CDH18: variants seen among roughly 807,000 people sequenced by gnomAD.
CDH18 encodes cadherin-18.
CDH18 carries 31 observed loss-of-function variants against 67.9 expected under a neutral mutation model. That is an observed-to-expected ratio of 0.46 (90% CI 0.34 to 0.62). The LOEUF (loss-of-function observed/expected upper bound fraction) is 0.62. CDH18 is among the 20% of genes least tolerant of loss of function. The pLI is 0.01. For synonymous variants in CDH18, 362 were observed against 347.2 expected (o/e 1.04, Z -0.48); for missense variants, 890 against 975.5 (o/e 0.91, Z 1.17).
chr5:20,337,307 T>C (rs1392817481), intron 1 of CDH18, among the ~76,000 whole-genome samples: 1 of 152,190 alleles, frequency 6.6e-6, no homozygotes, highest in African/African-American at 2.4e-5. Context: ...TCTATTCACA[T>C]TGTCAGGCTG....
chr5:20,532,830 GT>G (rs1371975736), intron 1 of CDH18, among the ~76,000 whole-genome samples: 3 of 151,184 alleles, frequency 2.0e-5, no homozygotes, highest in African/African-American at 4.9e-5. Context: ...TAATATTGAT[GT>G]TTTACATCTT....
chr5:20,056,460 C>CTTT (rs1561753951), intron 2 of CDH18, among the ~76,000 whole-genome samples: 1 of 18,648 alleles, frequency 5.4e-5, no homozygotes, highest in Non-Finnish European at 1.3e-4. Flanking sequence ...TATTATTTTT[C>CTTT]TTTATTTTCT....
chr5:20,486,762 A>C (rs1753217743), intron 1 of CDH18, among the ~76,000 whole-genome samples: 1 of 151,330 alleles, frequency 6.6e-6, no homozygotes, highest in African/African-American at 2.4e-5. Flanking sequence ...TTAAATAGTA[A>C]AGAGATGAAT....
intron 1 of CDH18, among the ~76,000 whole-genome samples, chr5:20,506,360 G>T (rs190743343): frequency 8.3e-4 from 126 of 152,312 alleles, no homozygotes; most frequent in Admixed American, 2.5e-3. Context: ...TGCCTATCTT[G>T]CCAGAGTTGT....
chr5:19,731,535 G>C (rs1416073877), intron 4 of CDH18, among the ~76,000 whole-genome samples: 1 of 152,050 alleles, frequency 6.6e-6, no homozygotes, highest in Non-Finnish European at 1.5e-5. Context: ...TTCAGATTTT[G>C]GAATTAGAGA....
chr5:20,504,527 T>C lies in CDH18; in HGVS notation c.-580+70935A>G, dbSNP rs562423338. ...CCATGAACTCGTTTTTTCTCATAAG[T>C]AGCTTACAATCTAGAAATATAGAAA... On this transcript the variant is annotated intron_variant, in intron 1 of 14. Coordinates refer to the CDH18 transcript ENST00000507958. Among the ~76,000 whole-genome samples, 3 of 152,272 alleles carry C rather than the reference T, an allele frequency of 2.0e-5. No individual in the cohort carries two copies. In the East Asian group the frequency reaches 5.8e-4, roughly 29 times the overall value.
At chr5:19,505,758 G>A (rs1409759235) in intron 10 of CDH18, among the ~76,000 whole-genome samples, 1 of 152,062 alleles carries the variant, frequency 6.6e-6, no homozygotes, top group African/African-American at 2.4e-5. Context: ...ATGTTCATCA[G>A]GGATATTGGT....
At chr5:20,098,405 C>A (rs1203553650) in intron 2 of CDH18, among the ~76,000 whole-genome samples, 4 of 152,012 alleles carry the variant, frequency 2.6e-5, no homozygotes, top group African/African-American at 9.7e-5. Context: ...AATCCATCCC[C>A]ACTCATGATG....
intron 2 of CDH18, among the ~76,000 whole-genome samples, chr5:19,879,645 G>A (rs1232558192): frequency 1.3e-5 from 2 of 151,948 alleles, no homozygotes; most frequent in African/African-American, 4.8e-5. Context: ...CAAGCATTTG[G>A]TAAGTTTCAG....
chr5:20,299,095 C>T (rs1747757415), intron 1 of CDH18, among the ~76,000 whole-genome samples: 1 of 152,048 alleles, frequency 6.6e-6, no homozygotes. Context: ...GAAACCTCAA[C>T]TAATTTTGAA....
At chr5:20,175,388 G>A (rs541054545) in intron 2 of CDH18, among the ~76,000 whole-genome samples, 2 of 152,184 alleles carry the variant, frequency 1.3e-5, no homozygotes, top group African/African-American at 4.8e-5. Flanking sequence ...GTCAAGTAAA[G>A]TTTCTTGTGG....
At chr5:20,240,154 A>G (rs2126541456) in intron 2 of CDH18, among the ~76,000 whole-genome samples, 1 of 152,200 alleles carries the variant, frequency 6.6e-6, no homozygotes, top group African/African-American at 2.4e-5. Context: ...CTAGAACTTA[A>G]AGTATAATTA....
intron 2 of CDH18, among the ~76,000 whole-genome samples, chr5:19,954,766 A>G (rs1796094762): frequency 6.6e-6 from 1 of 152,046 alleles, no homozygotes; most frequent in African/African-American, 2.4e-5. Flanking sequence ...ACTAACTCAC[A>G]CATACACAAT....
intron 5 of CDH18, among the ~76,000 whole-genome samples, chr5:19,681,288 T>C (rs1011146013): frequency 1.3e-5 from 2 of 151,972 alleles, no homozygotes; most frequent in Non-Finnish European, 2.9e-5. Context: ...TCAGGTACTA[T>C]GCTGATTGCC....
In CDH18 at chr5:19,608,712, T is replaced by C. The variant is rs78433712; in HGVS notation, c.811+3722A>G. Among the ~76,000 whole-genome samples, 239 of 151,980 alleles carry C rather than the reference T, an allele frequency of 1.6e-3. 1 individual carries two copies. Among genetic ancestry groups the C allele is most frequent in the African/African-American group, 5.6e-3 (233 of 41,538 alleles). Reference sequence around the variant, plus strand: ...ACAAGTGAGTTTACGTTCTTGGCAATTTACTATCATTTAAGTTCTGGAGAA... The same window carrying C: ...ACAAGTGAGTTTACGTTCTTGGCAACTTACTATCATTTAAGTTCTGGAGAA... On this transcript the variant is annotated intron_variant, in intron 6 of 12. Transcript: ENST00000382275.
intron 5 of CDH18, among the ~76,000 whole-genome samples, chr5:19,707,965 G>A (rs1764180461): frequency 6.6e-6 from 1 of 152,204 alleles, no homozygotes; most frequent in Admixed American, 6.5e-5. Flanking sequence ...GAATAAAATA[G>A]TCAGATGGTA....
chr5:20,402,115 T>A lies in CDH18; in HGVS notation c.-579-146610A>T, dbSNP rs79748998. ...CTTTCTTTTCATATGCCTAGAAGAT[T>A]TTTTTCCCTCATCTCTTTTGTGCAG... On this transcript the variant is annotated intron_variant, in intron 1 of 14. Transcript: ENST00000507958. Among the ~76,000 whole-genome samples, 920 of 152,248 alleles carry A rather than the reference T, an allele frequency of 6.0e-3. 11 individuals are homozygous for A. The highest frequency in any genetic ancestry group is 0.013 in the South Asian group (64 of 4,818).
chr5:20,458,373 T>G (rs1750987758), intron 1 of CDH18, among the ~76,000 whole-genome samples: 1 of 152,148 alleles, frequency 6.6e-6, no homozygotes, highest in African/African-American at 2.4e-5. Flanking sequence ...ATCCAAGCAC[T>G]TTGGGAGGTT....
intron 2 of CDH18, among the ~76,000 whole-genome samples, chr5:20,041,944 T>C (rs1740461323): frequency 6.6e-6 from 1 of 152,234 alleles, no homozygotes; most frequent in African/African-American, 2.4e-5. Flanking sequence ...ATGCCTTTAC[T>C]ATTTAAAAAG....
Sources: allele counts gnomAD v4.1 joint callset (sites outside exome capture counted in the v4.1 genomes callset), GRCh38; gene constraint gnomAD v4.1.1; transcripts MANE v1.5; gene names NCBI Gene and HGNC (gene_info 2026-07-23, HGNC 2026-07-21).